EGFR: variants seen among roughly 807,000 people sequenced by gnomAD.
The protein encoded by EGFR is avian erythroblastic leukemia viral (v-erb-b) oncogene homolog.
Under a neutral mutation model 143.0 loss-of-function variants are expected in EGFR, and 58 were observed. That is an observed-to-expected ratio of 0.41 (90% CI 0.33 to 0.50). The LOEUF (loss-of-function observed/expected upper bound fraction) is 0.50. EGFR is among the 20% of genes least tolerant of loss of function. EGFR has a pLI of 0.39. For synonymous variants in EGFR, 613 were observed against 594.4 expected (o/e 1.03, Z -0.45); for missense variants, 1,307 against 1,579.0 (o/e 0.83, Z 2.92).
chr7:55,033,437 C>T (rs1034408478), intron 1 of EGFR, among the ~76,000 whole-genome samples: 10 of 152,146 alleles, frequency 6.6e-5, no homozygotes, highest in Non-Finnish European at 8.8e-5. Context: ...CTGGGGACTG[C>T]AGGGGATGCT....
chr7:55,106,886 C>T (rs2128905036), intron 1 of EGFR, among the ~76,000 whole-genome samples: 1 of 152,210 alleles, frequency 6.6e-6, no homozygotes, highest in African/African-American at 2.4e-5. Flanking sequence ...AAGACATTAC[C>T]TTATTACCCA....
Position 55,132,783 on chromosome 7 carries a change from G to A in EGFR, c.89-9503G>A, listed in dbSNP as rs543591790. Among the ~76,000 whole-genome samples the A allele has an allele frequency of 6.6e-5, 10 of 152,322 alleles. No individual in the cohort carries two copies. In the South Asian group the frequency reaches 1.9e-3, roughly 28 times the overall value. The stretch of plus-strand genomic sequence containing the variant: ...AGGACTCACATATTCCTTCAGGGCA[G>A]TGAGTACTTCTGATTCATCCTTAGC... On this transcript the variant is annotated intron_variant, in intron 1 of 27. Coordinates refer to ENST00000275493, the MANE Select transcript of EGFR (RefSeq NM_005228.5).
At chr7:55,047,883 A>T (rs1358230792) in intron 1 of EGFR, among the ~76,000 whole-genome samples, 2 of 152,232 alleles carry the variant, frequency 1.3e-5, no homozygotes, top group East Asian at 3.8e-4. Context: ...GTAAACTGGG[A>T]AAGTATTTCA....
At chr7:55,151,657 C>G (rs763080270) in intron 5 of EGFR, among the ~76,000 whole-genome samples, 55 of 152,172 alleles carry the variant, frequency 3.6e-4, no homozygotes, top group Non-Finnish European at 6.6e-4. Flanking sequence ...GGTCGGATCA[C>G]GAGGTCAGGA....
Position 55,205,624 on chromosome 7 carries a change from A to C in EGFR, c.*7A>C, listed in dbSNP as rs1230298401. On this transcript the variant is annotated 3_prime_UTR_variant, in exon 28 of 28. Coordinates refer to ENST00000275493, the MANE Select transcript of EGFR (RefSeq NM_005228.5). ...TGAATTTATTGGAGCATGACCACGG[A>C]GGATAGTATGAGCCCTAAAAATCCA... 1.9e-6 allele frequency: 3 copies of C among 1,614,166 alleles called. No homozygotes were observed. The African/African-American group carries it at 4.0e-5, about 22-fold the overall frequency.
intron 27 of EGFR, among the ~76,000 whole-genome samples, chr7:55,204,314 CA>C (rs1336548651): frequency 5.1e-4 from 69 of 135,420 alleles, no homozygotes; most frequent in Middle Eastern, 8.4e-3. Context: ...ACACACGCCA[CA>C]CACACACATA....
In EGFR at chr7:55,205,284, G is replaced by GC; in HGVS notation, c.3303dup (p.Ala1102ArgfsTer65). ...ACATAAACCAGTCCGTTCCCAAAAG[G>GC]CCCGCTGGCTCTGTGCAGAATCCTG... On this transcript the variant is annotated frameshift_variant, in exon 28 of 28. Transcript: ENST00000275493. LOFTEE classifies it high-confidence loss of function. The GC allele has an allele frequency of 6.2e-7, 1 of 1,612,924 alleles. No homozygotes were observed. Among genetic ancestry groups the GC allele is most frequent in the Non-Finnish European group, 8.5e-7 (1 of 1,179,512 alleles).
intron 1 of EGFR, among the ~76,000 whole-genome samples, chr7:55,107,433 T>C (rs570030933): frequency 5.9e-5 from 9 of 152,340 alleles, no homozygotes; most frequent in African/African-American, 2.2e-4. Context: ...GTGGCACCTA[T>C]GGAATTAAGC....
rs908956577 is a variant in EGFR, at chr7:55,208,343, T to A, written c.*2726T>A. The A allele has an allele frequency of 6.6e-6, 1 of 152,130 alleles. No homozygotes were observed. The highest frequency in any genetic ancestry group is 1.9e-4 in the East Asian group (1 of 5,166). 9.4% of individuals were successfully genotyped at this position (152,130 alleles called of 1,614,324 possible). On this transcript the variant is annotated 3_prime_UTR_variant, in exon 28 of 28. Transcript: ENST00000275493. ...GTCAGTACTCAAAGCTTGGACTCCATCCCTGAAGGTCTTCCTGATTGATAG... is the reference window on the plus strand; with the variant it reads ...GTCAGTACTCAAAGCTTGGACTCCAACCCTGAAGGTCTTCCTGATTGATAG...
chr7:55,119,722 C>T (rs146694618), intron 1 of EGFR, among the ~76,000 whole-genome samples: 1 of 152,326 alleles, frequency 6.6e-6, no homozygotes. Context: ...TCCTGGGCTG[C>T]GTGAACCCAC....
chr7:55,141,464 G>A (rs1451469841), intron 1 of EGFR, among the ~76,000 whole-genome samples: 1 of 152,162 alleles, frequency 6.6e-6, no homozygotes, highest in Non-Finnish European at 1.5e-5. Context: ...TATGCTGGTG[G>A]TGAGGGAAGT....
intron 1 of EGFR, among the ~76,000 whole-genome samples, chr7:55,125,063 G>T (rs1327913946): frequency 6.6e-6 from 1 of 152,200 alleles, no homozygotes; most frequent in Non-Finnish European, 1.5e-5. Flanking sequence ...ATGCCCTCGG[G>T]CTGCATTTCC....
In EGFR at chr7:55,156,573, C is replaced by G. The variant is rs759932677; in HGVS notation, c.1047C>G (p.Leu349=). 87 of 1,614,246 alleles carry G rather than the reference C, an allele frequency of 5.4e-5. 1 individual carries two copies. Among genetic ancestry groups the G allele is most frequent in the Admixed American group, 2.2e-4 (13 of 60,034 alleles). ...GTATTGGTGAATTTAAAGACTCACT[C>G]TCCATAAATGCTACGAATATTAAAC... The part of the protein sequence containing the change: ...GIGIGEFKDS[L]SINATNIKHF... The change falls in exon 9 of 28, where the codon CTC becomes CTG. Residue 349 remains leucine, a synonymous_variant. Transcript: ENST00000275493.
intron 1 of EGFR, among the ~76,000 whole-genome samples, chr7:55,091,118 C>A (rs888797215): frequency 1.3e-5 from 2 of 152,142 alleles, no homozygotes; most frequent in Non-Finnish European, 2.9e-5. Flanking sequence ...AATATTTTCA[C>A]CCCAATTTCT....
chr7:55,170,344 CT>C (rs1786281743), intron 15 of EGFR: 1 of 1,614,184 alleles, frequency 6.2e-7, no homozygotes, highest in African/African-American at 1.3e-5. Context: ...GTTATTCTGC[CT>C]TTTTAAACTA....
chr7:55,049,178 A>G (rs114374214), intron 1 of EGFR, among the ~76,000 whole-genome samples: 1 of 152,312 alleles, frequency 6.6e-6, no homozygotes, highest in African/African-American at 2.4e-5. Context: ...ATTGCATCCA[A>G]ATTATAAATT....
intron 1 of EGFR, among the ~76,000 whole-genome samples, chr7:55,082,522 G>T (rs1790522772): frequency 6.6e-6 from 1 of 152,238 alleles, no homozygotes; most frequent in Admixed American, 6.5e-5. Flanking sequence ...ACCCAAGGGA[G>T]AAAGCAGGAC....
intron 1 of EGFR, among the ~76,000 whole-genome samples, chr7:55,105,071 G>T (rs1040125114): frequency 6.6e-6 from 1 of 152,184 alleles, no homozygotes; most frequent in Admixed American, 6.5e-5. Flanking sequence ...TTGTACAATG[G>T]ATGTTTGCTT....
chr7:55,140,479 T>G (rs1050873781), intron 1 of EGFR, among the ~76,000 whole-genome samples: 2 of 152,170 alleles, frequency 1.3e-5, no homozygotes, highest in African/African-American at 4.8e-5. Flanking sequence ...TTCCAAGGTG[T>G]GCCAACCGAA....
Sources: allele counts gnomAD v4.1 joint callset (sites outside exome capture counted in the v4.1 genomes callset), GRCh38; gene constraint gnomAD v4.1.1; transcripts MANE v1.5; gene names NCBI Gene and HGNC (gene_info 2026-07-23, HGNC 2026-07-21).